The following GLB1L2 variants were observed in gnomAD, a reference collection of about 807,000 sequenced individuals.
The protein encoded by GLB1L2 is galactosidase beta 1 like 2.
Under a neutral mutation model 84.1 loss-of-function variants are expected in GLB1L2, and 68 were observed. The ratio of observed to expected loss-of-function variants is 0.81; its 90% CI spans 0.67 to 0.99. GLB1L2 has a LOEUF of 0.99. Among genes scored for constraint, GLB1L2 ranks in the 50% least tolerant of loss-of-function variants. The pLI is 0.00. For missense variants in GLB1L2, 762 were observed against 805.6 expected (o/e 0.95, Z 0.66); for synonymous variants, 290 against 318.0 (o/e 0.91, Z 0.94).
rs543221153 is a variant in GLB1L2 at position 134,364,422 on chromosome 11, GC to G, written c.804+25del. The G allele has an allele frequency of 5.1e-4, 806 of 1,591,846 alleles. 4 individuals carry two copies. In the African/African-American group the frequency reaches 6.8e-3, roughly 13 times the overall value. On this transcript the variant is annotated intron_variant, in intron 8 of 18. Coordinates refer to ENST00000535456, the MANE Select transcript of GLB1L2 (RefSeq NM_001370461.1). ...AGGTAAGTCCAGCCCCAGGGAAGCT[GC>G]GGCCCGCCCTGCTCAGCGGCCTATG...
At position 134,375,811 on chromosome 11, in the gene GLB1L2, A is replaced by AGTGGCCCCCGCT. The variant is rs1944017779; in HGVS notation, c.*753_*754insGTGGCCCCCGCT. 6.9e-6 allele frequency: 1 copy of AGTGGCCCCCGCT among 144,620 alleles called. No homozygotes were observed. The highest frequency in any genetic ancestry group is 6.9e-5 in the Admixed American group (1 of 14,542). The allele number at this position is 144,620 out of a possible 1,614,324, so 9.0% of individuals were successfully genotyped here. On this transcript the variant is annotated 3_prime_UTR_variant, in exon 19 of 19. Coordinates refer to ENST00000535456, the MANE Select transcript of GLB1L2 (RefSeq NM_001370461.1). Reference sequence around the variant, plus strand: ...GGGAGGAGGACAGAAGGCCCAGCTCACATGTGAGTCCTGGCAGAAGCCATG... The same window carrying AGTGGCCCCCGCT: ...GGGAGGAGGACAGAAGGCCCAGCTCAGTGGCCCCCGCTCATGTGAGTCCTGGCAGAAGCCATG...
chr11:134,346,552 TC>T (rs1943555054), intron 4 of GLB1L2: 1 of 152,348 alleles, frequency 6.6e-6, no homozygotes, highest in African/African-American at 2.4e-5. Context: ...GGGGTGTCGG[TC>T]TGGAGGAAAC....
At chr11:134,371,888 T>G in intron 15 of GLB1L2, 58 bp downstream of exon 15, 3 of 1,517,174 alleles carry the variant, frequency 2.0e-6, no homozygotes, top group Non-Finnish European at 2.7e-6. Flanking sequence ...AGGTGGCTAT[T>G]GCTTCTCTAT....
In GLB1L2 at chr11:134,338,565, T is replaced by C. The variant is rs1173989480; in HGVS notation, c.87-4189T>C. Reference sequence around the variant, plus strand: ...GCTGGGGCCTGCCCTGTACCCTTCATCCTCAGGACCCACCTCACCAGTCAA... The same window carrying C: ...GCTGGGGCCTGCCCTGTACCCTTCACCCTCAGGACCCACCTCACCAGTCAA... On this transcript the variant is annotated intron_variant, in intron 1 of 18. Coordinates refer to ENST00000535456, the MANE Select transcript of GLB1L2 (RefSeq NM_001370461.1). The surrounding 1 kb of genome is among the most constrained non-coding windows in gnomAD (Gnocchi z 6.2). 1.3e-5 allele frequency among the ~76,000 whole-genome samples: 2 copies of C among 152,056 alleles called. No homozygotes were observed. Among genetic ancestry groups the C allele is most frequent in the Non-Finnish European group, 2.9e-5 (2 of 68,014 alleles).
intron 6 of GLB1L2, among the ~76,000 whole-genome samples, chr11:134,357,789 G>C (rs1943724145): frequency 6.6e-6 from 1 of 152,242 alleles, no homozygotes. Context: ...GAGGCTGCTG[G>C]GAGAGTGGTG....
At chr11:134,368,914 T>A in intron 10 of GLB1L2, 133 bp downstream of exon 10, 1 of 908,406 alleles carries the variant, frequency 1.1e-6, no homozygotes, top group South Asian at 1.7e-5. Flanking sequence ...GAGAAGGTAC[T>A]TGCCTGGACA....
At chr11:134,333,885 C>G (rs1316620932) in intron 1 of GLB1L2, among the ~76,000 whole-genome samples, 1 of 152,198 alleles carries the variant, frequency 6.6e-6, no homozygotes, top group African/African-American at 2.4e-5. Flanking sequence ...ATCCTTCTAG[C>G]AGGTAGAACA....
At position 134,373,726 on chromosome 11, in the gene GLB1L2, A is replaced by T; in HGVS notation, c.1513A>T (p.Ile505Phe). 1 of 1,610,072 alleles carries T rather than the reference A, an allele frequency of 6.2e-7. No individual in the cohort carries two copies. The highest frequency in any genetic ancestry group is 8.5e-7 in the Non-Finnish European group (1 of 1,176,782). The part of the protein sequence containing the change: ...ENIDDQRKGL[I>F]GNLYLNDSPL... ...GTCCTGCCTCCCTCCCACAGGCTTA[A>T]TTGGAAATCTCTATCTGAATGATTC... is the stretch of plus-strand genomic sequence containing the variant. The change falls in exon 16 of 19, where the codon ATT (isoleucine) becomes TTT (phenylalanine). Residue 505 changes from isoleucine (I) to phenylalanine (F), a missense_variant. Ile to Phe is a conservative substitution (Grantham distance 21). Transcript: ENST00000535456.
intron 7 of GLB1L2, among the ~76,000 whole-genome samples, chr11:134,362,360 G>A (rs923612551): frequency 1.3e-5 from 2 of 149,168 alleles, no homozygotes; most frequent in Non-Finnish European, 3.0e-5. Context: ...CGCTGCCCGC[G>A]TGTTTTTCTG....
intron 5 of GLB1L2, among the ~76,000 whole-genome samples, chr11:134,350,752 A>T (rs1461807320): frequency 1.3e-5 from 2 of 152,234 alleles, no homozygotes; most frequent in African/African-American, 4.8e-5. Context: ...GTAATGTACA[A>T]TCAGTGTACA....
intron 7 of GLB1L2, chr11:134,360,308 C>T (rs1377259678): frequency 6.6e-6 from 1 of 152,342 alleles, no homozygotes; most frequent in Admixed American, 6.5e-5. Context: ...AGCTGGCACC[C>T]AGGGAGTGAA....
chr11:134,371,321 T>G, intron 13 of GLB1L2, 100 bp from the exon 14 acceptor site: 1 of 1,190,662 alleles, frequency 8.4e-7, no homozygotes. Flanking sequence ...TGGCCCCTCG[T>G]CTGCCTACAG....
intron 1 of GLB1L2, among the ~76,000 whole-genome samples, chr11:134,335,932 T>A (rs1335786189): frequency 6.6e-6 from 1 of 151,962 alleles, no homozygotes; most frequent in Non-Finnish European, 1.5e-5. Context: ...AGGGGCAGGG[T>A]TTTTTGGTGT....
At chr11:134,362,380 C>T (rs931890680) in intron 7 of GLB1L2, among the ~76,000 whole-genome samples, 3 of 152,198 alleles carry the variant, frequency 2.0e-5, no homozygotes, top group African/African-American at 7.2e-5. Context: ...GCTGGCTGTT[C>T]CACTCCATCT....
chr11:134,366,854 T>TA (rs1943872162), intron 8 of GLB1L2, among the ~76,000 whole-genome samples: 1 of 67,994 alleles, frequency 1.5e-5, no homozygotes, highest in East Asian at 4.5e-4. Flanking sequence ...GTACCCAGGG[T>TA]GGGGGGGAGG....
Position 134,373,787 on chromosome 11 carries a change from T to C in GLB1L2, c.1574T>C (p.Met525Thr), listed in dbSNP as rs1565443922. Residue 525 changes from methionine to threonine, a missense_variant, in exon 16 of 19, where the codon ATG becomes ACG. Met to Thr is a moderately conservative substitution (Grantham distance 81). Coordinates refer to ENST00000535456, the MANE Select transcript of GLB1L2 (RefSeq NM_001370461.1). ...AACTTCAGAATCTATAGCCTGGATA[T>C]GAAGAAGAGCTTCTTTCAGAGGTGG... Reference protein sequence around the residue: ...LKNFRIYSLDMKKSFFQRFGL... With the variant: ...LKNFRIYSLDTKKSFFQRFGL... 1.9e-6 allele frequency: 3 copies of C among 1,610,806 alleles called. No homozygotes were observed. Among genetic ancestry groups the C allele is most frequent in the Non-Finnish European group, 2.5e-6 (3 of 1,177,012 alleles).
intron 7 of GLB1L2, chr11:134,359,390 C>T: frequency 2.8e-6 from 1 of 357,192 alleles, no homozygotes; most frequent in East Asian, 4.3e-5. Context: ...CAAGGGCACT[C>T]TGCAGATGAC....
At chr11:134,373,683 C>A in intron 15 of GLB1L2, 38 bp from the exon 16 acceptor site, 1 of 1,426,674 alleles carries the variant, frequency 7.0e-7, no homozygotes, top group Non-Finnish European at 9.8e-7. Flanking sequence ...TCGGCCCCTG[C>A]CTTTGGGCTA....
chr11:134,353,722 A>G (rs1178836323), intron 5 of GLB1L2, among the ~76,000 whole-genome samples: 2 of 152,158 alleles, frequency 1.3e-5, no homozygotes, highest in East Asian at 3.9e-4. Context: ...CATTTGGTGC[A>G]TATATGTTTA....
Sources: allele counts gnomAD v4.1 joint callset (sites outside exome capture counted in the v4.1 genomes callset), GRCh38; gene constraint gnomAD v4.1.1; non-coding constraint Gnocchi (gnomAD v3.1); transcripts MANE v1.5; gene names NCBI Gene and HGNC (gene_info 2026-07-23, HGNC 2026-07-21).